The following BAK1 variants were observed in gnomAD, a reference collection of about 807,000 sequenced individuals.
BAK1 encodes the protein bcl-2 homologous antagonist/killer.
A neutral mutation model predicts 24.7 loss-of-function variants in BAK1; 19 were observed. The observed-to-expected ratio is 0.77, with a 90% CI of 0.54 to 1.13. The LOEUF is 1.13. Among genes scored for constraint, BAK1 ranks in the 50% most tolerant of loss-of-function variants. The pLI is 0.00. For synonymous variants in BAK1, 86 were observed against 107.3 expected (o/e 0.80, Z 1.23); for missense variants, 194 against 279.4 (o/e 0.69, Z 2.18).
In BAK1 at chr6:33,575,340, G is replaced by A. The variant is rs373778311; in HGVS notation, c.308C>T (p.Thr103Met). 62 of 1,614,202 alleles carry A rather than the reference G, an allele frequency of 3.8e-5. No individual in the cohort carries two copies. Among genetic ancestry groups the A allele is most frequent in the African/African-American group, 2.0e-4 (15 of 75,046 alleles). The change falls in exon 4 of 6, where the codon ACG (threonine) becomes ATG (methionine). Residue 103 changes from threonine to methionine, a missense_variant. Transcript: ENST00000374467. The surrounding 1 kb of genome is among the most constrained non-coding windows in gnomAD (Gnocchi z 6.3). ...FQTMLQHLQP[T>M]AENAYEYFTK... is the part of the protein sequence containing the mutation. ...GAAGTACTCATAGGCATTCTCTGCC[G>A]TGGGCTGCAGGTGCTGCAACATGGT...
chr6:33,574,618 A>G, intron 4 of BAK1: 1 of 1,097,482 alleles, frequency 9.1e-7, no homozygotes, highest in Non-Finnish European at 1.2e-6. Context: ...CTCTAAGTTC[A>G]CGGACTGGAT....
At position 33,573,777 on chromosome 6, in the gene BAK1, G is replaced by A. The variant is rs767030876; in HGVS notation, c.*26C>T. 13 of 1,598,066 alleles carry A rather than the reference G, an allele frequency of 8.1e-6. No homozygotes were observed. The highest frequency in any genetic ancestry group is 1.7e-4 in the Middle Eastern group (1 of 6,052). On this transcript the variant is annotated 3_prime_UTR_variant, in exon 6 of 6. Transcript: ENST00000374467. ...TTAAGTCCAGGCAGGGGTCTGAACC[G>A]GGACCCCAAAGGGCACCCTTGGGAG... is the stretch of plus-strand genomic sequence containing the variant.
chr6:33,572,763 G>A lies in BAK1; in HGVS notation c.*1040C>T, dbSNP rs1450376944. The A allele has an allele frequency of 1.3e-5, 2 of 151,446 alleles. No homozygotes were observed. The highest frequency in any genetic ancestry group is 2.1e-4 in the South Asian group (1 of 4,734). 9.4% of individuals were successfully genotyped at this position (151,446 alleles called of 1,614,324 possible). A position where few individuals can be genotyped will look rare whatever the true frequency, so the allele number is the denominator to read the frequency against. Reference sequence around the variant, plus strand: ...GGAGCATGGAGGGTGGGGGAACAGAGTTCAAGTATTCACAGTTCCCCCATC... The same window carrying A: ...GGAGCATGGAGGGTGGGGGAACAGAATTCAAGTATTCACAGTTCCCCCATC... On this transcript the variant is annotated 3_prime_UTR_variant, in exon 6 of 6. Transcript: ENST00000374467.
chr6:33,577,562 C>T lies in BAK1; in HGVS notation c.43G>A (p.Gly15Arg), dbSNP rs761327603. 1.3e-5 allele frequency: 20 copies of T among 1,549,144 alleles called. No individual in the cohort carries two copies. Among genetic ancestry groups the T allele is most frequent in the African/African-American group, 9.6e-5 (7 of 73,004 alleles). ...GAAGCAGAGGGCAGGGCAGGCTCTC[C>T]GCACTCCTGCCTGGGAGGACCTGGG... ...QGPGPPRQEC[G>R]EPALPSASEE... Residue 15 changes from glycine (G) to arginine (R), a missense_variant, in exon 2 of 6, where the codon GGA (glycine) becomes AGA (arginine). Transcript: ENST00000374467. The surrounding 1 kb of genome is among the most constrained non-coding windows in gnomAD (Gnocchi z 4.6).
At chr6:33,574,448 A>G (rs957824687) in intron 4 of BAK1, 4 of 1,501,816 alleles carry the variant, frequency 2.7e-6, no homozygotes, top group Non-Finnish European at 3.6e-6. Flanking sequence ...CTCAGGTGCA[A>G]CGGGGCACAG....
intron 4 of BAK1, chr6:33,574,579 C>T (rs1762812310): frequency 2.3e-6 from 3 of 1,319,870 alleles, no homozygotes; most frequent in South Asian, 2.5e-5. Context: ...TAGGGTAGTT[C>T]CTGTCATCAC....
rs958886445 is a variant in BAK1, at chr6:33,575,646, G to A, written c.206+147C>T. 4.4e-6 allele frequency: 6 copies of A among 1,364,626 alleles called. No individual in the cohort carries two copies. The African/African-American group carries it at 8.7e-5, about 20-fold the overall frequency. 84.5% of individuals were successfully genotyped at this position (1,364,626 alleles called of 1,614,324 possible). On this transcript the variant is annotated intron_variant, in intron 3 of 5. Transcript: ENST00000374467. This position sits in a 1 kb window ranked among gnomAD's most constrained non-coding sequence, Gnocchi z 6.3. The stretch of plus-strand genomic sequence containing the variant: ...AAAAAGGATACAAGGTCCTGGATGG[G>A]GGTGGGAGCCCAACATAAAAGAGGA...
chr6:33,579,384 C>A (rs933405636), intron 1 of BAK1, among the ~76,000 whole-genome samples: 14 of 152,204 alleles, frequency 9.2e-5, no homozygotes, highest in Non-Finnish European at 2.9e-5. Context: ...CCTCCCACCC[C>A]CCGTAGCTCC....
In BAK1 at chr6:33,575,502, C is replaced by T; in HGVS notation, c.207-61G>A. ...CCAGGCAGTCGGGACCAGGCCCTGG[C>T]TCATGGCAGAGGGGTTCTGCCTGAG... On this transcript the variant is annotated intron_variant, in intron 3 of 5. Coordinates refer to ENST00000374467, the MANE Select transcript of BAK1 (RefSeq NM_001188.4). The surrounding 1 kb of genome is among the most constrained non-coding windows in gnomAD (Gnocchi z 6.3). 1 of 1,607,890 alleles carries T rather than the reference C, an allele frequency of 6.2e-7. No homozygotes were observed. The highest frequency in any genetic ancestry group is 8.5e-7 in the Non-Finnish European group (1 of 1,177,084).
Position 33,573,833 on chromosome 6 carries a change from C to T in BAK1, c.606G>A (p.Gln202=). The part of the protein sequence containing the change: ...LVVLGVVLLG[Q]FVVRRFFKS ...ATTTGAAGAATCTTCGTACCACAAA[C>T]TGGCCCAACAGAACCACACCCAGAA... The change falls in exon 6 of 6, where the codon CAG becomes CAA. Residue 202 remains glutamine (Q), a synonymous_variant. Transcript: ENST00000374467. The T allele has an allele frequency of 1.1e-5, 18 of 1,614,204 alleles. No individual in the cohort carries two copies. Among genetic ancestry groups the T allele is most frequent in the Non-Finnish European group, 1.4e-5 (17 of 1,179,994 alleles).
rs919473523 is a variant in BAK1 at position 33,578,133 on chromosome 6, G to A, written c.-31-498C>T. ...CCCACCCAGCACATGCTTATTGCAA[G>A]CGAGCCACTGCCCAGCCAATGGCCC... is the stretch of plus-strand genomic sequence containing the variant. On this transcript the variant is annotated intron_variant, in intron 1 of 5. Coordinates refer to ENST00000374467, the MANE Select transcript of BAK1 (RefSeq NM_001188.4). This position sits in a 1 kb window ranked among gnomAD's most constrained non-coding sequence, Gnocchi z 4.8. Among the ~76,000 whole-genome samples, 1 of 152,180 alleles carries A rather than the reference G, an allele frequency of 6.6e-6. No homozygotes were observed. Among genetic ancestry groups the A allele is most frequent in the African/African-American group, 2.4e-5 (1 of 41,440 alleles).
rs1762873433 is a variant in BAK1, at chr6:33,577,860, C to A, written c.-31-225G>T. Among the ~76,000 whole-genome samples the A allele has an allele frequency of 6.6e-6, 1 of 152,188 alleles. No individual in the cohort carries two copies. Among genetic ancestry groups the A allele is most frequent in the Non-Finnish European group, 1.5e-5 (1 of 68,032 alleles). On this transcript the variant is annotated intron_variant, in intron 1 of 5. Transcript: ENST00000374467. The surrounding 1 kb of genome is among the most constrained non-coding windows in gnomAD (Gnocchi z 4.6). ...TACAGGTGTGAGCCACCGTGCCTGG[C>A]CTCCTCTGGGACTTTTTATTCTTAC...
rs1762867039 is a variant in BAK1, at chr6:33,577,547, G to A, written c.58C>T (p.Pro20Ser). 1 of 1,548,208 alleles carries A rather than the reference G, an allele frequency of 6.5e-7. No homozygotes were observed. The highest frequency in any genetic ancestry group is 8.7e-7 in the Non-Finnish European group (1 of 1,145,182). ...PRQECGEPAL[P>S]SASEEQVAQD... ...GGAAGACCCTTACCAGAAGCAGAGG[G>A]CAGGGCAGGCTCTCCGCACTCCTGC... is the stretch of plus-strand genomic sequence containing the variant. The change falls in exon 2 of 6, where the codon CCC becomes TCC. Residue 20 changes from proline to serine, a missense_variant. Pro to Ser is a moderately conservative substitution (Grantham distance 74, BLOSUM62 -1). Coordinates refer to ENST00000374467, the MANE Select transcript of BAK1 (RefSeq NM_001188.4). This position sits in a 1 kb window ranked among gnomAD's most constrained non-coding sequence, Gnocchi z 4.6.
At chr6:33,579,033 C>T (rs960615459) in intron 1 of BAK1, among the ~76,000 whole-genome samples, 18 of 152,202 alleles carry the variant, frequency 1.2e-4, no homozygotes, top group Admixed American at 2.6e-4. Flanking sequence ...CTCGATCTGC[C>T]GGACAGGGAC....
rs775198844 is a variant in BAK1 at position 33,575,404 on chromosome 6, C to T, written c.244G>A (p.Gly82Arg). 1.2e-5 allele frequency: 19 copies of T among 1,613,932 alleles called. No individual in the cohort carries two copies. The highest frequency in any genetic ancestry group is 3.3e-4 in the Middle Eastern group (2 of 6,016). ...TCATAGCGTCGGTTGATGTCGTCCC[C>T]GATGATGGCGAGCTGCCGTCCCACC... Reference protein sequence around the residue: ...GQVGRQLAIIGDDINRRYDSE... With the variant: ...GQVGRQLAIIRDDINRRYDSE... The change falls in exon 4 of 6, where the codon GGG (glycine) becomes AGG (arginine). Residue 82 changes from glycine (G) to arginine (R), a missense_variant. Gly to Arg is a moderately radical substitution (Grantham distance 125, BLOSUM62 -2). Coordinates refer to ENST00000374467, the MANE Select transcript of BAK1 (RefSeq NM_001188.4). The surrounding 1 kb of genome is among the most constrained non-coding windows in gnomAD (Gnocchi z 6.3).
Position 33,574,202 on chromosome 6 carries a change from A to G in BAK1, c.363T>C (p.Ser121=), listed in dbSNP as rs1254379162. The change falls in exon 5 of 6, where the codon AGT becomes AGC. Residue 121 remains serine, a synonymous_variant. Coordinates refer to ENST00000374467, the MANE Select transcript of BAK1 (RefSeq NM_001188.4). ...FTKIATSLFE[S]GINWGRVVAL... ...CCACCACACGGCCCCAATTGATGCC[A>G]CTCTCAAACAGGCTGTGGGCAGAGC... The G allele has an allele frequency of 6.2e-7, 1 of 1,613,668 alleles. No individual in the cohort carries two copies. The highest frequency in any genetic ancestry group is 1.3e-5 in the African/African-American group (1 of 75,018).
chr6:33,574,493 G>C, intron 4 of BAK1: 1 of 1,462,814 alleles, frequency 6.8e-7, no homozygotes, highest in Non-Finnish European at 9.1e-7. Context: ...GATGGAGTCA[G>C]CGGGGAGATT....
Position 33,575,163 on chromosome 6 carries a change from G to T in BAK1, c.350+135C>A. The T allele has an allele frequency of 7.4e-7, 1 of 1,357,622 alleles. No homozygotes were observed. Among genetic ancestry groups the T allele is most frequent in the East Asian group, 2.3e-5 (1 of 42,640 alleles). The allele number at this position is 1,357,622 out of a possible 1,614,324, so 84.1% of individuals were successfully genotyped here. A position where few individuals can be genotyped will look rare whatever the true frequency, so the allele number is the denominator to read the frequency against. On this transcript the variant is annotated intron_variant, in intron 4 of 5. Transcript: ENST00000374467. The surrounding 1 kb of genome is among the most constrained non-coding windows in gnomAD (Gnocchi z 6.3). ...GAAAAATAGGGGGCCGAGACCACAT[G>T]TGAGTTCACAGCAGACATTGGACAC...
At chr6:33,574,498 G>C (rs575692050) in intron 4 of BAK1, 36 of 1,455,342 alleles carry the variant, frequency 2.5e-5, no homozygotes, top group South Asian at 1.9e-4. Context: ...AGTCAGCGGG[G>C]AGATTACCTG....
Sources: allele counts gnomAD v4.1 joint callset (sites outside exome capture counted in the v4.1 genomes callset), GRCh38; gene constraint gnomAD v4.1.1; non-coding constraint Gnocchi (gnomAD v3.1); transcripts MANE v1.5; gene names NCBI Gene and HGNC (gene_info 2026-07-23, HGNC 2026-07-21).